IFT140: variants seen among roughly 807,000 people sequenced by gnomAD.
The protein encoded by IFT140 is intraflagellar transport 140.
IFT140 carries 133 observed loss-of-function variants against 164.6 expected under a neutral mutation model. That is an observed-to-expected ratio of 0.81 (90% CI 0.70 to 0.93). IFT140 has a LOEUF of 0.93. IFT140 is among the 40% of genes least tolerant of loss of function. The probability of loss-of-function intolerance (pLI) is 0.00; values close to 1 mark genes in which losing one functional copy is unlikely to be tolerated. For missense variants in IFT140, 2,045 were observed against 1,972.3 expected, an observed-to-expected ratio of 1.04 and a Z score of -0.70; for synonymous variants, 860 against 817.3, an observed-to-expected ratio of 1.05 and a Z score of -0.89.
chr16:1,526,235 G>A (rs567480662), intron 20 of IFT140, 158 bp from the exon 21 acceptor site: 130 of 699,808 alleles, frequency 1.9e-4, no homozygotes, highest in East Asian at 1.7e-4. Flanking sequence ...ACACACCCAC[G>A]GGGCATCCCC....
In IFT140 at chr16:1,519,978, C is replaced by T; in HGVS notation, c.3943G>A (p.Ala1315Thr). 6.2e-7 allele frequency: 1 copy of T among 1,607,268 alleles called. No individual in the cohort carries two copies. The highest frequency in any genetic ancestry group is 8.5e-7 in the Non-Finnish European group (1 of 1,177,304). Reference sequence around the variant, plus strand: ...AGGGGGCTCTTGGCCTTGGCCTTGGCCAGGCACTTGTAGGCCTCGGTCAGC... The same window carrying T: ...AGGGGGCTCTTGGCCTTGGCCTTGGTCAGGCACTTGTAGGCCTCGGTCAGC... ...GALTEAYKCL[A>T]KAKAKSPLDQ... The change falls in exon 29 of 31, where the codon GCC (alanine) becomes ACC (threonine). Residue 1315 changes from alanine (A) to threonine (T), a missense_variant. Physicochemically the swap from Ala to Thr is moderately conservative, Grantham distance 58. Transcript: ENST00000426508.
rs142169797 is a variant in IFT140, at chr16:1,606,563, C to T, written c.147+557G>A. 2.1e-3 allele frequency among the ~76,000 whole-genome samples: 324 copies of T among 152,288 alleles called. 9 individuals are homozygous for T. The highest frequency in any genetic ancestry group is 0.019 in the Admixed American group (288 of 15,296). On this transcript the variant is annotated intron_variant, in intron 3 of 30. Transcript: ENST00000426508. ...GCAACCCCTGCCTCCTGGGTTCAAG[C>T]GATTCTCCTGCCTCAGCCTCCCGAG...
chr16:1,511,822 GGA>G (rs2040167915), intron 30 of IFT140, among the ~76,000 whole-genome samples: 1 of 150,022 alleles, frequency 6.7e-6, no homozygotes, highest in Admixed American at 6.6e-5. Flanking sequence ...GCTGTGCTGG[GGA>G]CACAGGGGAC....
At position 1,562,029 on chromosome 16, in the gene IFT140, T is replaced by A. The variant is rs780451681; in HGVS notation, c.2155A>T (p.Ser719Cys). 1 of 1,611,814 alleles carries A rather than the reference T, an allele frequency of 6.2e-7. No individual in the cohort carries two copies. The highest frequency in any genetic ancestry group is 2.2e-5 in the East Asian group (1 of 44,812). The part of the protein sequence containing the change: ...ESFPRPATSH[S>C]LLGMEVPYYY... The stretch of plus-strand genomic sequence containing the variant: ...TAAGGCACTTCCATCCCCAGGAGAC[T>A]GTGGGAGGTGGCAGGCCGGGGGAAG... The change falls in exon 18 of 31, where the codon AGT (serine) becomes TGT (cysteine). Residue 719 changes from serine to cysteine, a missense_variant. By Grantham distance (112) the Ser-to-Cys change is moderately radical. Coordinates refer to ENST00000426508, the MANE Select transcript of IFT140 (RefSeq NM_014714.4).
In IFT140 at chr16:1,526,128, TCAAACACA is replaced by T. The variant is rs765759400; in HGVS notation, c.2578-59_2578-52del. ...CGTGCAGCCTCCACACACCCACGTC[TCAAACACA>T]CTGTTCCACGCCAGGCCACCGGTCA... On this transcript the variant is annotated intron_variant, in intron 20 of 30. Transcript: ENST00000426508. 6 of 1,495,812 alleles carry T rather than the reference TCAAACACA, an allele frequency of 4.0e-6. No homozygotes were observed. In the Admixed American group the frequency reaches 1.0e-4, roughly 25 times the overall value. 92.7% of individuals were successfully genotyped at this position (1,495,812 alleles called of 1,614,324 possible).
chr16:1,510,809 C>T lies in IFT140; in HGVS notation c.*135G>A. 1.2e-6 allele frequency: 1 copy of T among 854,690 alleles called. No homozygotes were observed. Among genetic ancestry groups the T allele is most frequent in the Non-Finnish European group, 1.9e-6 (1 of 535,298 alleles). 52.9% of individuals were successfully genotyped at this position (854,690 alleles called of 1,614,324 possible). A position where few individuals can be genotyped will look rare whatever the true frequency, so the allele number is the denominator to read the frequency against. ...CTCCGCCGGCCCGGGCCGCTGCGTT[C>T]TCGCCCAGCTCTGTCGCGTATTCCA... On this transcript the variant is annotated 3_prime_UTR_variant, in exon 31 of 31. Transcript: ENST00000426508.
chr16:1,568,215 A>G lies in IFT140; in HGVS notation c.1770+2T>C. On this transcript the variant is annotated splice_donor_variant, in intron 15 of 30. Coordinates refer to ENST00000426508, the MANE Select transcript of IFT140 (RefSeq NM_014714.4). LOFTEE classifies it high-confidence loss of function. ...GGGCGAGTGGACGAGGGGTGGCCTC[A>G]CCTTGCTGGGGAGGATGCTGATGGT... The G allele has an allele frequency of 6.3e-7, 1 of 1,590,220 alleles. No homozygotes were observed. Among genetic ancestry groups the G allele is most frequent in the South Asian group, 1.1e-5 (1 of 88,440 alleles).
rs200161877 is a variant in IFT140 at position 1,511,055 on chromosome 16, C to T, written c.4278G>A (p.Gly1426=). ...CGGTGCGTGGCAGTGGGAGACCCAG[C>T]CCCCGGTGCACGGCGTCCACGGCCT... ...SPQAVDAVHR[G]LGLPLPRTVP... Residue 1426 remains glycine (G), a synonymous_variant, in exon 31 of 31, where the codon GGG becomes GGA. Coordinates refer to ENST00000426508, the MANE Select transcript of IFT140 (RefSeq NM_014714.4). 3 of 1,605,606 alleles carry T rather than the reference C, an allele frequency of 1.9e-6. No homozygotes were observed. In the South Asian group the frequency reaches 3.3e-5, roughly 18 times the overall value.
intron 2 of IFT140, chr16:1,610,314 T>A (rs751882693): frequency 1.3e-5 from 2 of 154,882 alleles, no homozygotes; most frequent in African/African-American, 2.4e-5. Context: ...AAACATAGCA[T>A]GTTTTTGTTT....
At chr16:1,581,810 G>A (rs1255143719) in intron 12 of IFT140, among the ~76,000 whole-genome samples, 1 of 119,286 alleles carries the variant, frequency 8.4e-6, no homozygotes, top group African/African-American at 3.4e-5. Context: ...GGAGGGGATG[G>A]GAGTGGAGGG....
intron 24 of IFT140, 178 bp downstream of exon 24, chr16:1,524,374 G>A (rs1440360401): frequency 1.3e-6 from 1 of 741,664 alleles, no homozygotes; most frequent in Non-Finnish European, 2.1e-6. Context: ...ATGTCAGATG[G>A]AAGCGGCCAG....
At position 1,526,627 on chromosome 16, in the gene IFT140, C is replaced by G. The variant is rs200876696; in HGVS notation, c.2569G>C (p.Gly857Arg). 4 of 1,561,846 alleles carry G rather than the reference C, an allele frequency of 2.6e-6. No individual in the cohort carries two copies. The highest frequency in any genetic ancestry group is 3.4e-6 in the Non-Finnish European group (4 of 1,162,426). The change falls in exon 20 of 31, where the codon GGC becomes CGC. Residue 857 changes from glycine (G) to arginine (R), a missense_variant. Transcript: ENST00000426508. Reference protein sequence around the residue: ...ARVAVLATQLGMLEDAEQLYR... With the variant: ...ARVAVLATQLRMLEDAEQLYR... ...TGGCGGGCGCCCCTCACCAGCATGC[C>G]CAGCTGCGTGGCCAGCACGGCCACG...
intron 19 of IFT140, among the ~76,000 whole-genome samples, chr16:1,539,688 G>A (rs1039341640): frequency 1.3e-5 from 2 of 152,248 alleles, no homozygotes; most frequent in African/African-American, 4.8e-5. Flanking sequence ...ACGCTCACTG[G>A]GGTGTCTGTT....
At position 1,526,773 on chromosome 16, in the gene IFT140, G is replaced by A. The variant is rs748463111; in HGVS notation, c.2423C>T (p.Ala808Val). ...IKSEAVWENM[A>V]RMCVKTQRLD... Reference sequence around the variant, plus strand: ...CCGCTGGGTCTTCACGCACATGCGCGCCATGTTCTCCCAGACGGCCTCACT... The same window carrying A: ...CCGCTGGGTCTTCACGCACATGCGCACCATGTTCTCCCAGACGGCCTCACT... The change falls in exon 20 of 31, where the codon GCG (alanine) becomes GTG (valine). Residue 808 changes from alanine (A) to valine (V), a missense_variant. By Grantham distance (64) the Ala-to-Val change is moderately conservative. Coordinates refer to ENST00000426508, the MANE Select transcript of IFT140 (RefSeq NM_014714.4). 32 of 1,609,976 alleles carry A rather than the reference G, an allele frequency of 2.0e-5. No individual in the cohort carries two copies. The highest frequency in any genetic ancestry group is 5.0e-5 in the Admixed American group (3 of 59,736).
intron 7 of IFT140, 61 bp downstream of exon 7, chr16:1,589,544 A>G: frequency 6.5e-7 from 1 of 1,538,308 alleles, no homozygotes; most frequent in South Asian, 1.1e-5. Flanking sequence ...GCCGTCAACG[A>G]GGCCAGAGAG....
intron 19 of IFT140, chr16:1,542,108 C>A: frequency 3.9e-6 from 6 of 1,548,954 alleles, no homozygotes; most frequent in Non-Finnish European, 5.2e-6. Flanking sequence ...GCCACCGCGC[C>A]CTTGCCCCCT....
intron 2 of IFT140, among the ~76,000 whole-genome samples, chr16:1,608,049 T>C (rs1355698798): frequency 6.6e-6 from 1 of 152,180 alleles, no homozygotes; most frequent in Non-Finnish European, 1.5e-5. Flanking sequence ...AATCAAAGAC[T>C]GTCTTTTACC....
At chr16:1,571,942 G>A (rs1469929751) in intron 13 of IFT140, among the ~76,000 whole-genome samples, 1 of 152,182 alleles carries the variant, frequency 6.6e-6, no homozygotes, top group African/African-American at 2.4e-5. Context: ...GCTCTGGGGG[G>A]CCCTGTCTGT....
chr16:1,530,409 G>C (rs1423069115), intron 19 of IFT140, among the ~76,000 whole-genome samples: 2 of 152,082 alleles, frequency 1.3e-5, no homozygotes, highest in Non-Finnish European at 2.9e-5. Context: ...TGGATTACAG[G>C]TGTGAGCCAC....
Sources: gnomAD v4.1 joint callset for allele counts (sites outside exome capture counted in the v4.1 genomes callset) on GRCh38, gnomAD v4.1.1 for gene constraint, MANE v1.5 for transcripts, NCBI Gene and HGNC (gene_info 2026-07-23, HGNC 2026-07-21) for gene names.